ZNRF3: variants seen among roughly 807,000 people sequenced by gnomAD.
ZNRF3 encodes E3 ubiquitin-protein ligase ZNRF3.
ZNRF3 carries 23 observed loss-of-function variants against 72.5 expected under a neutral mutation model. The observed-to-expected ratio is 0.32, with a 90% CI of 0.23 to 0.45. ZNRF3 has a LOEUF of 0.45. ZNRF3 is among the 20% of genes least tolerant of loss of function. The pLI, the probability that ZNRF3 is intolerant of heterozygous loss-of-function variation, is 1.00. For missense variants in ZNRF3, 1,169 were observed against 1,272.1 expected (o/e 0.92, Z 1.23); for synonymous variants, 610 against 545.3 (o/e 1.12, Z -1.65).
chr22:28,940,713 C>A lies in ZNRF3; in HGVS notation c.301-46363C>A, dbSNP rs547458565. 3.9e-5 allele frequency among the ~76,000 whole-genome samples: 6 copies of A among 152,190 alleles called. No individual in the cohort carries two copies. In the East Asian group the frequency reaches 1.2e-3, roughly 29 times the overall value. On this transcript the variant is annotated intron_variant, in intron 1 of 8. Transcript: ENST00000544604. Reference sequence around the variant, plus strand: ...TCAAAGGGCAGGAGTGAGTCTGATTCTTTGGATAGGGGGTTGGGTTGGATC... The same window carrying A: ...TCAAAGGGCAGGAGTGAGTCTGATTATTTGGATAGGGGGTTGGGTTGGATC...
chr22:29,052,225 C>G (rs2037219525), intron 8 of ZNRF3, among the ~76,000 whole-genome samples: 1 of 152,208 alleles, frequency 6.6e-6, no homozygotes, highest in Non-Finnish European at 1.5e-5. Flanking sequence ...CCACTGCTAT[C>G]CCCTCAGTCC....
Position 29,030,384 on chromosome 22 carries a change from T to A in ZNRF3, c.427-12111T>A, listed in dbSNP as rs554381948. Among the ~76,000 whole-genome samples the A allele has an allele frequency of 2.0e-5, 3 of 152,358 alleles. No individual in the cohort carries two copies. The highest frequency in any genetic ancestry group is 4.4e-5 in the Non-Finnish European group (3 of 68,036). On this transcript the variant is annotated intron_variant, in intron 2 of 8. Transcript: ENST00000544604. The surrounding 1 kb of genome is among the most constrained non-coding windows in gnomAD (Gnocchi z 4.2). ...TTAATTAGGAGAAATTAAGTGGGGC[T>A]GCTACATATTTTGAGAATAAGTAAC... is the stretch of plus-strand genomic sequence containing the variant.
chr22:28,885,590 T>TAA lies in ZNRF3; in HGVS notation c.300+1547_300+1548dup, dbSNP rs34201242. ...TAGAAATGTTTGATTTACAGCCTTC[T>TAA]AAAAAAAAAAAAAAAAAAAAAAAAG... On this transcript the variant is annotated intron_variant, in intron 1 of 8. Transcript: ENST00000544604. Among the ~76,000 whole-genome samples the TAA allele has an allele frequency of 2.1e-3, 214 of 102,702 alleles. 1 individual carries two copies. The highest frequency in any genetic ancestry group is 4.3e-3 in the African/African-American group (123 of 28,680). 67.4% of individuals were successfully genotyped at this position (102,702 alleles called of 152,430 possible).
intron 1 of ZNRF3, among the ~76,000 whole-genome samples, chr22:28,984,167 T>G (rs746781242): frequency 1.3e-5 from 2 of 152,044 alleles, no homozygotes; most frequent in Non-Finnish European, 2.9e-5. Flanking sequence ...TCATATAAAA[T>G]TCACCATTTT....
rs758686333 is a variant in ZNRF3 at position 29,049,830 on chromosome 22, ACAGCAG to A, written c.1663_1668del (p.Ser556_Ser557del). ...TACCTGGCCGACTGCCCAGGCAGCG[ACAGCAG>A]CAGCAGCAGCAGCTCCGGCCAGTGC... On this transcript the variant is annotated inframe_deletion, in exon 8 of 9. Transcript: ENST00000544604. The surrounding 1 kb of genome is among the most constrained non-coding windows in gnomAD (Gnocchi z 5.2). The A allele has an allele frequency of 5.6e-6, 9 of 1,608,098 alleles. No homozygotes were observed. Among genetic ancestry groups the A allele is most frequent in the Non-Finnish European group, 6.8e-6 (8 of 1,177,048 alleles).
chr22:28,940,551 G>A (rs1456676049), intron 1 of ZNRF3, among the ~76,000 whole-genome samples: 2 of 145,744 alleles, frequency 1.4e-5, no homozygotes, highest in Admixed American at 1.4e-4. Context: ...GAGAGCCAAC[G>A]ATTTAGAAAA....
intron 5 of ZNRF3, among the ~76,000 whole-genome samples, chr22:29,045,490 TA>T (rs1453654992): frequency 1.3e-5 from 2 of 152,206 alleles, no homozygotes; most frequent in African/African-American, 2.4e-5. Flanking sequence ...GTGTTTATTT[TA>T]TTTTTTTATT....
intron 1 of ZNRF3, among the ~76,000 whole-genome samples, chr22:28,894,410 G>T (rs745802859): frequency 4.6e-5 from 7 of 151,250 alleles, no homozygotes; most frequent in Non-Finnish European, 8.8e-5. Context: ...AAGGTACCTG[G>T]CGTGGCATCT....
At chr22:28,924,789 T>C (rs115206400) in intron 1 of ZNRF3, among the ~76,000 whole-genome samples, 44 of 152,300 alleles carry the variant, frequency 2.9e-4, no homozygotes, top group African/African-American at 1.1e-3. Context: ...GGGCTGACTT[T>C]GGTCAGTCAT....
intron 1 of ZNRF3, among the ~76,000 whole-genome samples, chr22:28,933,158 A>G (rs1009395999): frequency 1.3e-5 from 2 of 152,204 alleles, no homozygotes; most frequent in Admixed American, 6.5e-5. Context: ...AAACTCATGA[A>G]CTAACGCATT....
chr22:29,005,675 C>T (rs777892871), intron 2 of ZNRF3, among the ~76,000 whole-genome samples: 1 of 152,128 alleles, frequency 6.6e-6, no homozygotes, highest in Non-Finnish European at 1.5e-5. Flanking sequence ...TTTGGCTTTG[C>T]TTATTTGTTG....
rs567679548 is a variant in ZNRF3 at position 28,906,403 on chromosome 22, A to G, written c.300+22337A>G. On this transcript the variant is annotated intron_variant, in intron 1 of 8. Transcript: ENST00000544604. ...GTTCAGAGCTGACCAGATTCTTGCCATGTAAGGGGCATAGTGGTGGAGAGT... is the reference window on the plus strand; with the variant it reads ...GTTCAGAGCTGACCAGATTCTTGCCGTGTAAGGGGCATAGTGGTGGAGAGT... Among the ~76,000 whole-genome samples the G allele has an allele frequency of 1.9e-4, 29 of 152,308 alleles. 2 individuals are homozygous for G. In the South Asian group the frequency reaches 5.6e-3, roughly 29 times the overall value.
intron 1 of ZNRF3, among the ~76,000 whole-genome samples, chr22:28,977,216 C>T (rs556613596): frequency 2.0e-5 from 3 of 152,286 alleles, no homozygotes; most frequent in Middle Eastern, 3.4e-3. Context: ...GTCTTCAGGC[C>T]GTTCCCAGCT....
chr22:29,021,778 G>A (rs1477174003), intron 2 of ZNRF3, among the ~76,000 whole-genome samples: 1 of 152,022 alleles, frequency 6.6e-6, no homozygotes, highest in South Asian at 2.1e-4. Context: ...GTAAGCCACC[G>A]TGCCCGGCCT....
chr22:28,946,804 G>T (rs1033017434), intron 1 of ZNRF3, among the ~76,000 whole-genome samples: 1 of 152,220 alleles, frequency 6.6e-6, no homozygotes, highest in Non-Finnish European at 1.5e-5. Context: ...GCTGTTGATA[G>T]TTGAAAGATC....
At chr22:28,958,804 G>C (rs1224348082) in intron 1 of ZNRF3, among the ~76,000 whole-genome samples, 2 of 152,180 alleles carry the variant, frequency 1.3e-5, no homozygotes, top group African/African-American at 4.8e-5. Context: ...TTCAGCTTCT[G>C]TCTTAGCTCA....
chr22:29,053,330 A>T (rs2037241111), intron 8 of ZNRF3, among the ~76,000 whole-genome samples: 1 of 152,128 alleles, frequency 6.6e-6, no homozygotes, highest in South Asian at 2.1e-4. Flanking sequence ...TAACATCTTT[A>T]ATATATTGGG....
intron 2 of ZNRF3, among the ~76,000 whole-genome samples, chr22:29,018,988 C>T (rs1033515004): frequency 6.0e-5 from 9 of 150,990 alleles, no homozygotes; most frequent in Non-Finnish European, 1.2e-4. Flanking sequence ...ACTGAGTGAT[C>T]TAGGATGGCC....
intron 1 of ZNRF3, among the ~76,000 whole-genome samples, chr22:28,976,526 T>C (rs1038398142): frequency 6.6e-6 from 1 of 152,146 alleles, no homozygotes; most frequent in Non-Finnish European, 1.5e-5. Flanking sequence ...TAAATTAATA[T>C]AGCTTTGGAA....
Sources: gnomAD v4.1 joint callset for allele counts (sites outside exome capture counted in the v4.1 genomes callset) on GRCh38, gnomAD v4.1.1 for gene constraint, Gnocchi (gnomAD v3.1) non-coding constraint, MANE v1.5 for transcripts, NCBI Gene and HGNC (gene_info 2026-07-23, HGNC 2026-07-21) for gene names.